Variants in TAFA1 observed in about 807,000 individuals in gnomAD.
TAFA1 encodes TAFA chemokine like family member 1.
TAFA1 carries 4 observed loss-of-function variants against 18.5 expected under a neutral mutation model. The ratio of observed to expected loss-of-function variants is 0.22; its 90% confidence interval spans 0.11 to 0.49. TAFA1 has a LOEUF of 0.49. Ranked by LOEUF, TAFA1 falls within the 20% of genes least tolerant of loss-of-function variation. TAFA1 has a pLI of 0.98. For synonymous variants in TAFA1, 56 were observed against 55.2 expected, an observed-to-expected ratio of 1.01 and a Z score of -0.06; for missense variants, 147 against 169.0, an observed-to-expected ratio of 0.87 and a Z score of 0.72.
chr3:68,339,614 G>A (rs2069045734), intron 2 of TAFA1, among the ~76,000 whole-genome samples: 1 of 152,168 alleles, frequency 6.6e-6, no homozygotes, highest in Non-Finnish European at 1.5e-5. Context: ...GTTCTAGATA[G>A]AACTACATTT....
At chr3:68,461,110 C>T (rs114827207) in intron 3 of TAFA1, among the ~76,000 whole-genome samples, 1,912 of 151,748 alleles carry the variant, frequency 0.013, 38 homozygotes, top group African/African-American at 0.045. Flanking sequence ...AGTTAAACCT[C>T]GACTCTAATG....
intron 2 of TAFA1, among the ~76,000 whole-genome samples, chr3:68,023,247 C>CTTTTTTTTTTTTTTTTTTTTTTT (rs1704737695): frequency 6.6e-6 from 1 of 152,108 alleles, no homozygotes; most frequent in East Asian, 1.9e-4. Flanking sequence ...TTTATGCATA[C>CTTTTTTTTTTTTTTTTTTTTTTT]TTCTTTCTTG....
chr3:68,410,353 A>C (rs1232506882), intron 2 of TAFA1, among the ~76,000 whole-genome samples: 1 of 152,132 alleles, frequency 6.6e-6, no homozygotes, highest in African/African-American at 2.4e-5. Context: ...TGTGGCAGAA[A>C]GAGAACTGGG....
At chr3:68,492,615 T>C (rs2072473462) in intron 3 of TAFA1, among the ~76,000 whole-genome samples, 1 of 152,222 alleles carries the variant, frequency 6.6e-6, no homozygotes, top group Non-Finnish European at 1.5e-5. Flanking sequence ...TTTTTAATGC[T>C]GAAGTTTCAA....
At chr3:68,005,399 C>T (rs1426988227) in intron 1 of TAFA1, among the ~76,000 whole-genome samples, 1 of 152,212 alleles carries the variant, frequency 6.6e-6, no homozygotes, top group Non-Finnish European at 1.5e-5. Context: ...TTATAGTTGT[C>T]ACCATTTGTC....
At chr3:68,260,982 C>A (rs932390681) in intron 2 of TAFA1, among the ~76,000 whole-genome samples, 5 of 151,986 alleles carry the variant, frequency 3.3e-5, no homozygotes, top group Admixed American at 1.3e-4. Flanking sequence ...AGTGAACAGG[C>A]AACCTACAGA....
At chr3:68,469,017 C>T (rs979456820) in intron 3 of TAFA1, among the ~76,000 whole-genome samples, 1 of 152,094 alleles carries the variant, frequency 6.6e-6, no homozygotes, top group Admixed American at 6.6e-5. Context: ...ATGAGTAATA[C>T]ATCTCAATGG....
intron 3 of TAFA1, among the ~76,000 whole-genome samples, chr3:68,456,725 C>CA (rs1385120631): frequency 1.3e-5 from 2 of 152,074 alleles, no homozygotes; most frequent in Admixed American, 6.6e-5. Flanking sequence ...AGGTATCTTG[C>CA]AAAAAATGCA....
intron 2 of TAFA1, among the ~76,000 whole-genome samples, chr3:68,070,725 C>T (rs2064743244): frequency 6.6e-6 from 1 of 152,214 alleles, no homozygotes; most frequent in Admixed American, 6.5e-5. Flanking sequence ...TGTTTTGCTG[C>T]TTAGAAATTT....
intron 3 of TAFA1, among the ~76,000 whole-genome samples, chr3:68,532,131 C>T (rs1183015104): frequency 6.6e-6 from 1 of 152,110 alleles, no homozygotes; most frequent in Non-Finnish European, 1.5e-5. Flanking sequence ...TTAACATGTA[C>T]ATAGACATGG....
chr3:68,182,499 A>G (rs893317389), intron 2 of TAFA1, among the ~76,000 whole-genome samples: 1 of 152,168 alleles, frequency 6.6e-6, no homozygotes, highest in Admixed American at 6.5e-5. Context: ...AATATCAGAA[A>G]TGGGAATTAG....
At chr3:68,167,403 C>G (rs1575656443) in intron 2 of TAFA1, among the ~76,000 whole-genome samples, 1 of 151,708 alleles carries the variant, frequency 6.6e-6, no homozygotes, top group South Asian at 2.1e-4. Context: ...TGGTGAAACC[C>G]CCGTCTCTAC....
chr3:68,388,631 G>A lies in TAFA1; in HGVS notation c.119-28649G>A, dbSNP rs565263571. Among the ~76,000 whole-genome samples the A allele has an allele frequency of 6.6e-5, 10 of 152,176 alleles. No homozygotes were observed. The South Asian group carries it at 2.1e-3, about 32-fold the overall frequency. ...ACCAATTCCCACATCTACAGAGTTA[G>A]ATGGAGTGCTAACAGGATCTTTGTT... On this transcript the variant is annotated intron_variant, in intron 2 of 4. Transcript: ENST00000478136.
At chr3:68,024,378 C>T (rs1358958435) in intron 2 of TAFA1, among the ~76,000 whole-genome samples, 1 of 152,086 alleles carries the variant, frequency 6.6e-6, no homozygotes, top group African/African-American at 2.4e-5. Context: ...TATTTTCAAA[C>T]CCTACGAGTA....
intron 2 of TAFA1, among the ~76,000 whole-genome samples, chr3:68,315,598 T>C (rs1386370718): frequency 6.6e-6 from 1 of 152,208 alleles, no homozygotes; most frequent in Non-Finnish European, 1.5e-5. Flanking sequence ...TATAGACTTT[T>C]GACTATCCTA....
At chr3:68,085,935 G>A (rs941423472) in intron 2 of TAFA1, among the ~76,000 whole-genome samples, 2 of 152,132 alleles carry the variant, frequency 1.3e-5, no homozygotes, top group African/African-American at 2.4e-5. Context: ...TCTAGCCACA[G>A]GTCTGGATCT....
At chr3:68,179,523 G>A (rs1168469492) in intron 2 of TAFA1, among the ~76,000 whole-genome samples, 2 of 152,002 alleles carry the variant, frequency 1.3e-5, no homozygotes, top group African/African-American at 4.8e-5. Context: ...TGAACTAGGG[G>A]TTTTCTTTTT....
chr3:68,416,482 T>G (rs1184466652), intron 2 of TAFA1, among the ~76,000 whole-genome samples: 1 of 152,234 alleles, frequency 6.6e-6, no homozygotes, highest in Non-Finnish European at 1.5e-5. Flanking sequence ...TTCTGGTCAC[T>G]TGATGTATCT....
At chr3:68,100,983 GT>G (rs758240292) in intron 2 of TAFA1, among the ~76,000 whole-genome samples, 2 of 152,122 alleles carry the variant, frequency 1.3e-5, no homozygotes, top group Non-Finnish European at 2.9e-5. Flanking sequence ...CACCTGTTTT[GT>G]TTTGTTTTGG....
Sources: allele counts gnomAD v4.1 joint callset (sites outside exome capture counted in the v4.1 genomes callset), GRCh38; gene constraint gnomAD v4.1.1; transcripts MANE v1.5; gene names NCBI Gene and HGNC (gene_info 2026-07-23, HGNC 2026-07-21).